AGBL3: variants seen among roughly 807,000 people sequenced by gnomAD.
AGBL3 encodes AGBL carboxypeptidase 3, also known as cytosolic carboxypeptidase 3.
Under a neutral mutation model 94.5 loss-of-function variants are expected in AGBL3, and 68 were observed. The observed-to-expected ratio is 0.72, with a 90% CI of 0.59 to 0.88. The LOEUF is 0.88. Ranked by LOEUF, AGBL3 falls within the 40% of genes least tolerant of loss-of-function variation. The pLI is 0.00. For synonymous variants in AGBL3, 354 were observed against 370.7 expected, an observed-to-expected ratio of 0.95 and a Z score of 0.52; for missense variants, 934 against 1,103.8, an observed-to-expected ratio of 0.85 and a Z score of 2.18.
At chr7:135,112,996 C>T (rs200152967) in intron 15 of AGBL3, among the ~76,000 whole-genome samples, 1 of 152,110 alleles carries the variant, frequency 6.6e-6, no homozygotes, top group Non-Finnish European at 1.5e-5. Context: ...AGGCTAGTCT[C>T]GAATTCCTAA....
At chr7:135,109,083 G>A (rs958114559) in intron 15 of AGBL3, among the ~76,000 whole-genome samples, 10 of 152,082 alleles carry the variant, frequency 6.6e-5, no homozygotes, top group Non-Finnish European at 1.2e-4. Context: ...GTCAGCTCCT[G>A]TATCCATTTT....
intron 16 of AGBL3, chr7:135,128,621 C>T: frequency 1.3e-6 from 1 of 792,184 alleles, no homozygotes; most frequent in Non-Finnish European, 2.3e-6. Context: ...AACACCCTGG[C>T]AGCGTGATCC....
intron 16 of AGBL3, 113 bp from the exon 17 acceptor site, chr7:135,134,725 TAAG>T: frequency 5.0e-6 from 5 of 990,216 alleles, no homozygotes; most frequent in Non-Finnish European, 7.2e-6. Context: ...TCTTAAACTT[TAAG>T]AAGTTATGAA....
intron 12 of AGBL3, among the ~76,000 whole-genome samples, chr7:135,068,134 C>G (rs1488536277): frequency 6.6e-6 from 1 of 152,088 alleles, no homozygotes; most frequent in Non-Finnish European, 1.5e-5. Flanking sequence ...GAAAGGGTAT[C>G]AGTGATGGAA....
At chr7:134,999,587 GTTC>G (rs936656860) in intron 4 of AGBL3, among the ~76,000 whole-genome samples, 31 of 152,164 alleles carry the variant, frequency 2.0e-4, no homozygotes, top group African/African-American at 7.0e-4. Context: ...CTGGAAGAGT[GTTC>G]TTCTGGTGGG....
intron 12 of AGBL3, among the ~76,000 whole-genome samples, chr7:135,075,817 A>C (rs554679899): frequency 2.0e-5 from 3 of 152,182 alleles, no homozygotes; most frequent in African/African-American, 4.8e-5. Flanking sequence ...TTGCATTTCC[A>C]TAACAGTTAA....
chr7:135,115,262 G>A lies in AGBL3; in HGVS notation c.2111-118G>A, dbSNP rs28640016. On this transcript the variant is annotated intron_variant, in intron 15 of 16. Transcript: ENST00000436302. ...TTATTTTCTGCCCACTGTCATTAAA[G>A]TACAAGCTTCAGATGGGCAAGGAAT... 6.5e-3 allele frequency: 4,016 copies of A among 618,080 alleles called. 136 individuals carry two copies. In the African/African-American group the frequency reaches 0.065, roughly 10 times the overall value. 38.3% of individuals were successfully genotyped at this position (618,080 alleles called of 1,614,324 possible).
intron 11 of AGBL3, among the ~76,000 whole-genome samples, chr7:135,058,757 CT>C (rs1818556643): frequency 6.6e-6 from 1 of 152,074 alleles, no homozygotes; most frequent in Non-Finnish European, 1.5e-5. Context: ...TCTTCCTCTT[CT>C]TCTTTTTTCC....
rs1454130901 is a variant in AGBL3, at chr7:135,045,504, A to G, written c.1658A>G (p.Lys553Arg). The G allele has an allele frequency of 2.6e-6, 4 of 1,551,108 alleles. No homozygotes were observed. The Admixed American group carries it at 7.9e-5, about 30-fold the overall frequency. The part of the protein sequence containing the change: ...GNKRGTHFST[K>R]DLESMGYHFC... ...AAACGAGGCACTCATTTCAGCACGA[A>G]AGACCTGGAATCAATGGGATATCAT... The change falls in exon 10 of 17, where the codon AAA becomes AGA. Residue 553 changes from lysine (K) to arginine (R), a missense_variant. By Grantham distance (26) the Lys-to-Arg change is conservative. Around this residue, in one of 3 missense-constraint regions of AGBL3, gnomAD observed 441 missense variants for 518.2 expected, o/e 0.85. Transcript: ENST00000436302.
intron 4 of AGBL3, among the ~76,000 whole-genome samples, chr7:135,007,160 AGAAGAG>A (rs1392333861): frequency 6.6e-6 from 1 of 151,948 alleles, no homozygotes; most frequent in African/African-American, 2.4e-5. Context: ...TTCCAATAAT[AGAAGAG>A]GAAGGAATGC....
At chr7:135,049,125 G>T (rs1462826492) in intron 11 of AGBL3, among the ~76,000 whole-genome samples, 1 of 151,710 alleles carries the variant, frequency 6.6e-6, no homozygotes, top group Non-Finnish European at 1.5e-5. Flanking sequence ...TCTATTCTTA[G>T]TTTGTTGAGG....
intron 4 of AGBL3, among the ~76,000 whole-genome samples, chr7:135,005,767 C>A (rs1315257140): frequency 6.6e-6 from 1 of 151,722 alleles, no homozygotes; most frequent in Non-Finnish European, 1.5e-5. Context: ...GAATAGAGAA[C>A]TCAGAAGTAG....
At chr7:135,009,846 G>A (rs575874335) in intron 4 of AGBL3, among the ~76,000 whole-genome samples, 4 of 152,288 alleles carry the variant, frequency 2.6e-5, no homozygotes, top group East Asian at 3.9e-4. Flanking sequence ...ATGAAGTTCA[G>A]CAGCATCTGC....
chr7:135,025,937 T>C (rs1815043703), intron 5 of AGBL3, among the ~76,000 whole-genome samples: 1 of 151,636 alleles, frequency 6.6e-6, no homozygotes, highest in Non-Finnish European at 1.5e-5. Flanking sequence ...AAAGTTCTTC[T>C]TGACCTATAA....
chr7:135,105,368 C>A (rs1473631810), intron 15 of AGBL3, among the ~76,000 whole-genome samples: 2 of 152,176 alleles, frequency 1.3e-5, no homozygotes, highest in Non-Finnish European at 2.9e-5. Flanking sequence ...CTGCGCCCAA[C>A]CTACATTCAA....
rs554345023 is a variant in AGBL3, at chr7:134,994,541, G to C, written c.310+863G>C. 1.3e-4 allele frequency among the ~76,000 whole-genome samples: 20 copies of C among 152,158 alleles called. No individual in the cohort carries two copies. In the South Asian group the frequency reaches 4.2e-3, roughly 32 times the overall value. ...CTGCCATGACTTTCCACCTTTTGTTGATTGAGGCACGCAAACATATGTTAT... is the reference window on the plus strand; with the variant it reads ...CTGCCATGACTTTCCACCTTTTGTTCATTGAGGCACGCAAACATATGTTAT... On this transcript the variant is annotated intron_variant, in intron 4 of 16. Coordinates refer to ENST00000436302, the MANE Select transcript of AGBL3 (RefSeq NM_178563.4).
Position 134,987,353 on chromosome 7 carries a change from A to G in AGBL3, c.-59-522A>G, listed in dbSNP as rs181272759. On this transcript the variant is annotated intron_variant, in intron 1 of 16. Coordinates refer to ENST00000436302, the MANE Select transcript of AGBL3 (RefSeq NM_178563.4). Reference sequence around the variant, plus strand: ...CATAGAATGGTAATGGTCATTACCAATACAACCTTCTGGTAGCTATTTAGA... The same window carrying G: ...CATAGAATGGTAATGGTCATTACCAGTACAACCTTCTGGTAGCTATTTAGA... Among the ~76,000 whole-genome samples the G allele has an allele frequency of 2.0e-3, 312 of 152,330 alleles. 2 individuals are homozygous for G. The highest frequency in any genetic ancestry group is 7.0e-3 in the African/African-American group (290 of 41,582).
chr7:135,124,556 C>T (rs1303120876), intron 16 of AGBL3, among the ~76,000 whole-genome samples: 2 of 152,230 alleles, frequency 1.3e-5, no homozygotes, highest in Non-Finnish European at 2.9e-5. Flanking sequence ...ATCTAATAGA[C>T]ATCTACAGAA....
At chr7:134,992,387 A>G (rs929812808) in intron 3 of AGBL3, among the ~76,000 whole-genome samples, 2 of 151,964 alleles carry the variant, frequency 1.3e-5, no homozygotes, top group Non-Finnish European at 2.9e-5. Flanking sequence ...TCTTACTCCC[A>G]CTTTCCCATT....
Sources: gnomAD v4.1 joint callset for allele counts (sites outside exome capture counted in the v4.1 genomes callset) on GRCh38, gnomAD v4.1.1 for gene constraint, gnomAD v4.1.1 regional missense constraint, MANE v1.5 for transcripts, NCBI Gene and HGNC (gene_info 2026-07-23, HGNC 2026-07-21) for gene names.